Variants in OR2T29 observed in about 807,000 individuals in gnomAD.
The protein encoded by OR2T29 is olfactory receptor 2T29.
For missense variants in OR2T29, 7 were observed against 121.9 expected (o/e 0.06, Z 4.44); for synonymous variants, 2 against 44.9 (o/e 0.04, Z 3.82).
intron 1 of OR2T29, among the ~76,000 whole-genome samples, chr1:248,562,342 G>C (rs1043165744): frequency 8.6e-5 from 12 of 140,126 alleles, no homozygotes; most frequent in Non-Finnish European, 1.7e-4. Flanking sequence ...TAAAATGATT[G>C]AGACATTGTT....
Position 248,557,630 on chromosome 1 carries a change from T to TA in OR2T29, c.*913dup, listed in dbSNP as rs1270271043. 2 of 79,742 alleles carry TA rather than the reference T, an allele frequency of 2.5e-5. No individual in the cohort carries two copies. Among genetic ancestry groups the TA allele is most frequent in the Admixed American group, 1.8e-4 (1 of 5,710 alleles). The allele number at this position is 79,742 out of a possible 1,614,324, so 4.9% of individuals were successfully genotyped here. A position where few individuals can be genotyped will look rare whatever the true frequency, so the allele number is the denominator to read the frequency against. On this transcript the variant is annotated 3_prime_UTR_variant, in exon 2 of 2. Transcript: ENST00000641069. ...CCATGTGCTATTCAAAATTTAATCT[T>TA]ATTTAACTATTTTTAATTATAAAAT...
rs1403428707 is a variant in OR2T29 at position 248,560,130 on chromosome 1, G to A, written c.-10-629C>T. Among the ~76,000 whole-genome samples, 8 of 32,122 alleles carry A rather than the reference G, an allele frequency of 2.5e-4. No homozygotes were observed. In the South Asian group the frequency reaches 5.8e-3, roughly 23 times the overall value. The allele number at this position is 32,122 out of a possible 152,430, so 21.1% of individuals were successfully genotyped here. On this transcript the variant is annotated intron_variant, in intron 1 of 1. Coordinates refer to ENST00000641069, the MANE Select transcript of OR2T29 (RefSeq NM_001004694.3). Reference sequence around the variant, plus strand: ...CCCTTTAGACATCGAGAGACGTGAAGTGAGGAGCCCACACACAGTAGACTC... The same window carrying A: ...CCCTTTAGACATCGAGAGACGTGAAATGAGGAGCCCACACACAGTAGACTC...
rs1407715077 is a variant in OR2T29 at position 248,557,149 on chromosome 1, CTA to C, written c.*1393_*1394del. The stretch of plus-strand genomic sequence containing the variant: ...ATCACCATTCTCATGTACCTGGTCT[CTA>C]TGTTTTTGGTCTTGCACATCTCCAA... On this transcript the variant is annotated 3_prime_UTR_variant, in exon 2 of 2. Coordinates refer to ENST00000641069, the MANE Select transcript of OR2T29 (RefSeq NM_001004694.3). 5 of 152,460 alleles carry C rather than the reference CTA, an allele frequency of 3.3e-5. No individual in the cohort carries two copies. Among genetic ancestry groups the C allele is most frequent in the African/African-American group, 4.8e-5 (2 of 41,606 alleles). The allele number at this position is 152,460 out of a possible 1,614,324, so 9.4% of individuals were successfully genotyped here. A position where few individuals can be genotyped will look rare whatever the true frequency, so the allele number is the denominator to read the frequency against.
In OR2T29 at chr1:248,558,177, G is replaced by GT. The variant is rs2103074355; in HGVS notation, c.*366dup. On this transcript the variant is annotated 3_prime_UTR_variant, in exon 2 of 2. Coordinates refer to ENST00000641069, the MANE Select transcript of OR2T29 (RefSeq NM_001004694.3). ...GTGGCAGCAACATTGAACTCAGTTTGTTTCATTGCCCCTCTCTATCTCCCT... is the reference window on the plus strand; with the variant it reads ...GTGGCAGCAACATTGAACTCAGTTTGTTTTCATTGCCCCTCTCTATCTCCCT... The GT allele has an allele frequency of 9.0e-6, 1 of 111,152 alleles. No individual in the cohort carries two copies. Among genetic ancestry groups the GT allele is most frequent in the Admixed American group, 9.2e-5 (1 of 10,850 alleles). 6.9% of individuals were successfully genotyped at this position (111,152 alleles called of 1,614,324 possible). A position where few individuals can be genotyped will look rare whatever the true frequency, so the allele number is the denominator to read the frequency against.
In OR2T29 at chr1:248,557,818, GT is replaced by G. The variant is rs1234455740; in HGVS notation, c.*725del. ...ACTCAGGTGTCATATTTTTTCTGCA[GT>G]CACTTATGTGGTCCTACATCCTCAA... is the stretch of plus-strand genomic sequence containing the variant. On this transcript the variant is annotated 3_prime_UTR_variant, in exon 2 of 2. Transcript: ENST00000641069. 1 of 121,972 alleles carries G rather than the reference GT, an allele frequency of 8.2e-6. No homozygotes were observed. The highest frequency in any genetic ancestry group is 1.7e-5 in the Non-Finnish European group (1 of 58,056). The allele number at this position is 121,972 out of a possible 1,614,324, so 7.6% of individuals were successfully genotyped here. A position where few individuals can be genotyped will look rare whatever the true frequency, so the allele number is the denominator to read the frequency against.
At chr1:248,559,524 G>A (rs776453408) in intron 1 of OR2T29, 23 bp from the exon 2 acceptor site, 34 of 1,125,934 alleles carry the variant, frequency 3.0e-5, no homozygotes, top group Non-Finnish European at 4.4e-5. Context: ...GGAGAGTTTT[G>A]GAGTCAGTGT....
chr1:248,562,222 T>A lies in OR2T29; in HGVS notation c.-11+504A>T, dbSNP rs146695967. 3.4e-3 allele frequency among the ~76,000 whole-genome samples: 505 copies of A among 150,520 alleles called. 2 individuals are homozygous for A. Among genetic ancestry groups the A allele is most frequent in the Middle Eastern group, 0.01 (3 of 290 alleles). Reference sequence around the variant, plus strand: ...TAGAACGCACGTCTCAGCCCGAGAGTGAGAGCCAGCGCACGTAACTCTGCC... The same window carrying A: ...TAGAACGCACGTCTCAGCCCGAGAGAGAGAGCCAGCGCACGTAACTCTGCC... On this transcript the variant is annotated intron_variant, in intron 1 of 1. Transcript: ENST00000641069.
intron 1 of OR2T29, 118 bp downstream of exon 1, chr1:248,562,604 TAAAG>T (rs1659542769): frequency 1.4e-5 from 2 of 144,516 alleles, no homozygotes; most frequent in Admixed American, 1.4e-4. Flanking sequence ...AAACAGATGA[TAAAG>T]AAAAAATGAG....
intron 1 of OR2T29, 157 bp downstream of exon 1, chr1:248,562,569 A>T (rs972336447): frequency 3.4e-5 from 5 of 145,000 alleles, no homozygotes; most frequent in Admixed American, 2.0e-4. Context: ...TATAAGAAAG[A>T]ATAACATTTG....
At chr1:248,562,635 C>T (rs1460852366) in intron 1 of OR2T29, 91 bp downstream of exon 1, 5 of 145,054 alleles carry the variant, frequency 3.4e-5, no homozygotes, top group African/African-American at 7.7e-5. Context: ...CTGTGAAGAA[C>T]TAATAGAACG....
rs1327070061 is a variant in OR2T29, at chr1:248,560,378, TG to T, written c.-10-878del. Among the ~76,000 whole-genome samples, 2 of 96,658 alleles carry T rather than the reference TG, an allele frequency of 2.1e-5. 1 individual carries two copies. Among genetic ancestry groups the T allele is most frequent in the Non-Finnish European group, 6.1e-5 (2 of 32,776 alleles). 63.4% of individuals were successfully genotyped at this position (96,658 alleles called of 152,430 possible). A position where few individuals can be genotyped will look rare whatever the true frequency, so the allele number is the denominator to read the frequency against. On this transcript the variant is annotated intron_variant, in intron 1 of 1. Coordinates refer to ENST00000641069, the MANE Select transcript of OR2T29 (RefSeq NM_001004694.3). Reference sequence around the variant, plus strand: ...CTGCACAACCTACCTAAGAGATTGTTGCTACTATTATTATATAAGATATATT... The same window carrying T: ...CTGCACAACCTACCTAAGAGATTGTTCTACTATTATTATATAAGATATATT...
intron 1 of OR2T29, among the ~76,000 whole-genome samples, chr1:248,562,202 C>T (rs1156759402): frequency 1.2e-3 from 175 of 150,750 alleles, no homozygotes; most frequent in Non-Finnish European, 1.9e-3. Context: ...TGAGATAGAA[C>T]GCACGTCTCA....
chr1:248,558,058 T>TA lies in OR2T29; in HGVS notation c.*485dup, dbSNP rs1659480448. On this transcript the variant is annotated 3_prime_UTR_variant, in exon 2 of 2. Transcript: ENST00000641069. The stretch of plus-strand genomic sequence containing the variant: ...TTTTCAAAAAGGGAGAAAAGCCTGG[T>TA]ATTTAATTATTTGTAAATGATTTCA... The TA allele has an allele frequency of 6.7e-6, 1 of 148,770 alleles. No individual in the cohort carries two copies. The highest frequency in any genetic ancestry group is 6.6e-5 in the Admixed American group (1 of 15,056). 9.2% of individuals were successfully genotyped at this position (148,770 alleles called of 1,614,324 possible). A position where few individuals can be genotyped will look rare whatever the true frequency, so the allele number is the denominator to read the frequency against.
At chr1:248,560,003 C>A (rs1262220668) in intron 1 of OR2T29, among the ~76,000 whole-genome samples, 3 of 21,934 alleles carry the variant, frequency 1.4e-4, no homozygotes, top group African/African-American at 2.2e-4. Flanking sequence ...GATGTTTGAA[C>A]CTCCTCCTCC....
At chr1:248,562,188 A>C (rs1433351554) in intron 1 of OR2T29, among the ~76,000 whole-genome samples, 6 of 150,796 alleles carry the variant, frequency 4.0e-5, no homozygotes, top group African/African-American at 1.5e-4. Context: ...TCACACACCT[A>C]ACCTGAGATA....
rs1257629891 is a variant in OR2T29 at position 248,562,769 on chromosome 1, T to G, written c.-54A>C. The G allele has an allele frequency of 1.9e-4, 28 of 143,784 alleles. No individual in the cohort carries two copies. Among genetic ancestry groups the G allele is most frequent in the Admixed American group, 5.5e-4 (8 of 14,630 alleles). The allele number at this position is 143,784 out of a possible 1,614,324, so 8.9% of individuals were successfully genotyped here. The stretch of plus-strand genomic sequence containing the variant: ...ACCTCACCTAGATGGGCTGGTGGTG[T>G]GTGGCCAGGTTAAGAGCACCAACAG... On this transcript the variant is annotated 5_prime_UTR_variant, in exon 1 of 2. Coordinates refer to ENST00000641069, the MANE Select transcript of OR2T29 (RefSeq NM_001004694.3).
chr1:248,562,157 T>C (rs1490260732), intron 1 of OR2T29, among the ~76,000 whole-genome samples: 15 of 150,060 alleles, frequency 1.0e-4, no homozygotes, highest in Non-Finnish European at 1.8e-4. Flanking sequence ...AAATGCAGGT[T>C]CTCAGGGTAC....
rs1466049384 is a variant in OR2T29 at position 248,557,240 on chromosome 1, A to G, written c.*1304T>C. ...TGATCATTTCACTATTGTTTGTAAA[A>G]CCCTGGGCCACACAAGGGCAAGAAA... On this transcript the variant is annotated 3_prime_UTR_variant, in exon 2 of 2. Transcript: ENST00000641069. 6.8e-6 allele frequency: 1 copy of G among 147,680 alleles called. No homozygotes were observed. Among genetic ancestry groups the G allele is most frequent in the African/African-American group, 2.5e-5 (1 of 40,370 alleles). 9.1% of individuals were successfully genotyped at this position (147,680 alleles called of 1,614,324 possible). A position where few individuals can be genotyped will look rare whatever the true frequency, so the allele number is the denominator to read the frequency against.
At chr1:248,560,309 A>G (rs1370507566) in intron 1 of OR2T29, among the ~76,000 whole-genome samples, 4 of 91,592 alleles carry the variant, frequency 4.4e-5, no homozygotes, top group Admixed American at 1.3e-4. Flanking sequence ...ATGAATAAAC[A>G]CATATACTCT....
Sources: gnomAD v4.1 joint callset for allele counts (sites outside exome capture counted in the v4.1 genomes callset) on GRCh38, gnomAD v4.1.1 for gene constraint, MANE v1.5 for transcripts, NCBI Gene and HGNC (gene_info 2026-07-23, HGNC 2026-07-21) for gene names.